Variants in CTRB1 observed in about 807,000 individuals in gnomAD.
CTRB1 encodes the protein chymotrypsinogen B.
Under a neutral mutation model 20.4 loss-of-function variants are expected in CTRB1, and 15 were observed. That is an observed-to-expected ratio of 0.74 (90% confidence interval 0.49 to 1.13). The LOEUF (loss-of-function observed/expected upper bound fraction) is 1.13, where lower values mean the gene tolerates loss of function less well. Among genes scored for constraint, CTRB1 ranks in the 50% most tolerant of loss-of-function variants. The pLI, the probability that CTRB1 is intolerant of heterozygous loss-of-function variation, is 0.00. For missense variants in CTRB1, 227 were observed against 290.1 expected, an observed-to-expected ratio of 0.78 and a Z score of 1.58; for synonymous variants, 92 against 128.4, an observed-to-expected ratio of 0.72 and a Z score of 1.92.
intron 1 of CTRB1, 145 bp from the exon 2 acceptor site, chr16:75,222,623 G>A (rs1436744463): frequency 4.8e-6 from 4 of 826,554 alleles, no homozygotes; most frequent in Non-Finnish European, 7.4e-6. Flanking sequence ...GAGACTTGGG[G>A]ACCAGGGAGG....
At chr16:75,222,069 A>G (rs1315812712) in intron 1 of CTRB1, among the ~76,000 whole-genome samples, 21 of 16,480 alleles carry the variant, frequency 1.3e-3, no homozygotes, top group African/African-American at 2.5e-3. Context: ...AAAAAGAAAA[A>G]AAAAAAAAAA....
intron 5 of CTRB1, 72 bp from the exon 6 acceptor site, chr16:75,223,983 T>G: frequency 1.9e-6 from 1 of 535,422 alleles, no homozygotes; most frequent in South Asian, 2.1e-5. Flanking sequence ...GGCAGGCGTG[T>G]CGGCCCCGGG....
Position 75,222,871 on chromosome 16 carries a change from G to C in CTRB1, c.156G>C (p.Gln52His). Residue 52 changes from glutamine (Q) to histidine (H), a missense_variant and splice_region_variant, in exon 2 of 7, where the codon CAG becomes CAC. Coordinates refer to ENST00000361017, the MANE Select transcript of CTRB1 (RefSeq NM_001906.6). ...CCTGGCCCTGGCAGGTGTCCCTGCA[G>C]GTGAGGGGGTTCTGCAAGGTGGGGG... is the stretch of plus-strand genomic sequence containing the variant. ...PGSWPWQVSLQDKTGFHFCGG... is the reference protein window; with the variant it reads ...PGSWPWQVSLHDKTGFHFCGG... 1.3e-6 allele frequency: 2 copies of C among 1,507,548 alleles called. No individual in the cohort carries two copies. The highest frequency in any genetic ancestry group is 2.5e-5 in the South Asian group (2 of 80,506). 93.4% of individuals were successfully genotyped at this position (1,507,548 alleles called of 1,614,324 possible).
intron 6 of CTRB1, 105 bp from the exon 7 acceptor site, chr16:75,224,600 C>A: frequency 7.7e-7 from 1 of 1,298,012 alleles, no homozygotes; most frequent in South Asian, 1.4e-5. Context: ...TGAGCCTTTG[C>A]TGTGTGTGGG....
intron 1 of CTRB1, among the ~76,000 whole-genome samples, chr16:75,220,787 T>A (rs2039072272): frequency 6.6e-6 from 1 of 152,016 alleles, no homozygotes; most frequent in South Asian, 2.1e-4. Context: ...AGATGGAGTT[T>A]CACACTTGTC....
intron 1 of CTRB1, among the ~76,000 whole-genome samples, chr16:75,220,827 C>G (rs1477393114): frequency 2.6e-5 from 4 of 151,500 alleles, no homozygotes; most frequent in Non-Finnish European, 5.9e-5. Flanking sequence ...GGCATGATTT[C>G]GGCTCACTGC....
intron 1 of CTRB1, among the ~76,000 whole-genome samples, 155 bp downstream of exon 1, chr16:75,219,214 A>C (rs1384125672): frequency 2.6e-5 from 4 of 152,110 alleles, no homozygotes; most frequent in Non-Finnish European, 4.4e-5. Context: ...TTCTGAGCCC[A>C]CACAACCTGC....
chr16:75,220,158 G>GTTT (rs2039062153), intron 1 of CTRB1, among the ~76,000 whole-genome samples: 1 of 151,470 alleles, frequency 6.6e-6, no homozygotes, highest in Admixed American at 6.6e-5. Flanking sequence ...GTTTTGTTTT[G>GTTT]TAGAGATGGA....
At chr16:75,219,773 C>A (rs2039053847) in intron 1 of CTRB1, among the ~76,000 whole-genome samples, 1 of 152,178 alleles carries the variant, frequency 6.6e-6, no homozygotes, top group Non-Finnish European at 1.5e-5. Context: ...TTCAGCAAAT[C>A]TTTTTGCACA....
chr16:75,222,034 C>G (rs1167121319), intron 1 of CTRB1, among the ~76,000 whole-genome samples: 1 of 144,370 alleles, frequency 6.9e-6, no homozygotes, highest in African/African-American at 2.6e-5. Context: ...GTACTCCAGC[C>G]TGGGCAACAG....
At position 75,219,076 on chromosome 16, in the gene CTRB1, G is replaced by T. The variant is rs758712370; in HGVS notation, c.52+17G>T. The T allele has an allele frequency of 6.3e-7, 1 of 1,580,100 alleles. No homozygotes were observed. The highest frequency in any genetic ancestry group is 8.6e-7 in the Non-Finnish European group (1 of 1,164,266). ...CCGCCTTTGGTGAGTGCTGGTGCCC[G>T]AGGGGTCTGTCCTGAGGGAGCCCTG... On this transcript the variant is annotated intron_variant, in intron 1 of 6. Transcript: ENST00000361017.
At chr16:75,220,494 T>G (rs957951513) in intron 1 of CTRB1, among the ~76,000 whole-genome samples, 1 of 152,142 alleles carries the variant, frequency 6.6e-6, no homozygotes, top group Non-Finnish European at 1.5e-5. Context: ...TGGGGTCTTA[T>G]TATGTTGTCC....
At chr16:75,222,734 G>A (rs905555124) in intron 1 of CTRB1, 34 bp from the exon 2 acceptor site, 2 of 1,541,704 alleles carry the variant, frequency 1.3e-6, no homozygotes, top group African/African-American at 2.7e-5. Flanking sequence ...GTGGGTTTGG[G>A]GCCTCAGCCC....
intron 6 of CTRB1, 89 bp from the exon 7 acceptor site, chr16:75,224,616 G>A: frequency 7.0e-7 from 1 of 1,433,174 alleles, no homozygotes; most frequent in Non-Finnish European, 9.4e-7. Flanking sequence ...GTGGGGTCCT[G>A]GACTGGACTC....
At chr16:75,221,801 G>A (rs1160863706) in intron 1 of CTRB1, among the ~76,000 whole-genome samples, 2 of 151,826 alleles carry the variant, frequency 1.3e-5, no homozygotes, top group African/African-American at 2.4e-5. Flanking sequence ...GGTGGCTCAC[G>A]CCTGTAATCC....
rs71158588 is a variant in CTRB1 at position 75,222,064 on chromosome 16, GAAAAAAAAAAA to G, written c.53-692_53-682del. Among the ~76,000 whole-genome samples, 401 of 108,602 alleles carry G rather than the reference GAAAAAAAAAAA, an allele frequency of 3.7e-3. 2 individuals are homozygous for G. The highest frequency in any genetic ancestry group is 5.4e-3 in the Non-Finnish European group (296 of 54,590). 71.2% of individuals were successfully genotyped at this position (108,602 alleles called of 152,430 possible). A position where few individuals can be genotyped will look rare whatever the true frequency, so the allele number is the denominator to read the frequency against. On this transcript the variant is annotated intron_variant, in intron 1 of 6. Transcript: ENST00000361017. ...CAACAGAGCAAGACTGTCTCAAAAAGAAAAAAAAAAAAAAAAAAAAAAGGAATTTGAGGTTG... is the reference window on the plus strand; with the variant it reads ...CAACAGAGCAAGACTGTCTCAAAAAGAAAAAAAAAAAGGAATTTGAGGTTG...
chr16:75,222,772 C>T lies in CTRB1; in HGVS notation c.57C>T (p.Cys19=), dbSNP rs1392857544. 2.2e-5 allele frequency: 35 copies of T among 1,556,208 alleles called. No homozygotes were observed. The highest frequency in any genetic ancestry group is 1.7e-4 in the Middle Eastern group (1 of 5,922). Residue 19 remains cysteine (C), a synonymous_variant, in exon 2 of 7, where the codon TGC becomes TGT. Coordinates refer to ENST00000361017, the MANE Select transcript of CTRB1 (RefSeq NM_001906.6). ...CFSLVGAAFG[C]GVPAIHPVLS... is the part of the protein sequence containing the mutation. ...ATTCACCCCACTCCCCCCCAGGCTGCGGGGTCCCCGCCATCCACCCTGTGC... is the reference window on the plus strand; with the variant it reads ...ATTCACCCCACTCCCCCCCAGGCTGTGGGGTCCCCGCCATCCACCCTGTGC...
intron 1 of CTRB1, among the ~76,000 whole-genome samples, chr16:75,219,472 A>C (rs7184411): frequency 0.042 from 6,267 of 150,826 alleles, 393 homozygotes; most frequent in African/African-American, 0.14. Flanking sequence ...ACTTACTGCA[A>C]CCTCCATCTC....
At chr16:75,219,287 G>A (rs2039044323) in intron 1 of CTRB1, among the ~76,000 whole-genome samples, 1 of 152,202 alleles carries the variant, frequency 6.6e-6, no homozygotes. Context: ...AGTGGCTGGG[G>A]TGGGGGTGCC....
Sources: allele counts gnomAD v4.1 joint callset (sites outside exome capture counted in the v4.1 genomes callset), GRCh38; gene constraint gnomAD v4.1.1; transcripts MANE v1.5; gene names NCBI Gene and HGNC (gene_info 2026-07-23, HGNC 2026-07-21).